Variants in TTL observed in about 807,000 individuals in gnomAD.
The protein encoded by TTL is tubulin tyrosine ligase, also known as tubulin--tyrosine ligase.
Under a neutral mutation model 41.1 loss-of-function variants are expected in TTL, and 10 were observed. That is an observed-to-expected ratio of 0.24 (90% confidence interval 0.15 to 0.41). The LOEUF is 0.41. Among genes scored for constraint, TTL ranks in the 10% least tolerant of loss-of-function variants. TTL has a pLI of 1.00. For missense variants in TTL, 367 were observed against 460.4 expected (o/e 0.80, Z 1.86); for synonymous variants, 175 against 175.5 (o/e 1.00, Z 0.02).
At chr2:112,494,463 C>A in intron 3 of TTL, 88 bp downstream of exon 3, 1 of 1,044,828 alleles carries the variant, frequency 9.6e-7, no homozygotes, top group Non-Finnish European at 1.4e-6. Context: ...TAATCTGAAT[C>A]ATCGAAGGTT....
At chr2:112,514,958 A>G (rs930334112) in intron 5 of TTL, among the ~76,000 whole-genome samples, 6 of 152,102 alleles carry the variant, frequency 3.9e-5, no homozygotes, top group Admixed American at 2.0e-4. Flanking sequence ...TTCTTTATCT[A>G]TTAAAACCTG....
At position 112,529,105 on chromosome 2, in the gene TTL, G is replaced by A. The variant is rs569039219; in HGVS notation, c.*310G>A. 8.4e-5 allele frequency: 37 copies of A among 443,076 alleles called. 1 individual carries two copies. The highest frequency in any genetic ancestry group is 6.3e-4 in the Middle Eastern group (1 of 1,580). The allele number at this position is 443,076 out of a possible 1,614,324, so 27.4% of individuals were successfully genotyped here. ...CGGCAGGGCACTGGGACCTCTGGTC[G>A]GTGCCTCCCACCCACTGCAGCCCTA... On this transcript the variant is annotated 3_prime_UTR_variant, in exon 7 of 7. Coordinates refer to ENST00000233336, the MANE Select transcript of TTL (RefSeq NM_153712.5).
chr2:112,483,095 A>ATT, intron 1 of TTL: 1 of 152,392 alleles, frequency 6.6e-6, no homozygotes, highest in South Asian at 2.1e-4. Context: ...GGGATGTCTG[A>ATT]TTATAAACCT....
chr2:112,527,795 G>A (rs1221236961), intron 6 of TTL, among the ~76,000 whole-genome samples: 1 of 152,108 alleles, frequency 6.6e-6, no homozygotes, highest in African/African-American at 2.4e-5. Flanking sequence ...TTTAATTGGA[G>A]CATTTAGCCC....
chr2:112,482,235 C>T lies in TTL; in HGVS notation c.-110C>T. 1.2e-6 allele frequency: 1 copy of T among 818,534 alleles called. No individual in the cohort carries two copies. Among genetic ancestry groups the T allele is most frequent in the Non-Finnish European group, 1.5e-6 (1 of 681,324 alleles). The allele number at this position is 818,534 out of a possible 1,614,324, so 50.7% of individuals were successfully genotyped here. A position where few individuals can be genotyped will look rare whatever the true frequency, so the allele number is the denominator to read the frequency against. On this transcript the variant is annotated 5_prime_UTR_variant, in exon 1 of 7. Coordinates refer to ENST00000233336, the MANE Select transcript of TTL (RefSeq NM_153712.5). The surrounding 1 kb of genome is among the most constrained non-coding windows in gnomAD (Gnocchi z 5.3). ...GAGGCGCGGTAGCCGGCGCGGGCGG[C>T]GGGGGCCGGGCCGCGGCGGGCGCCC...
chr2:112,509,861 T>C (rs555261959), intron 5 of TTL, among the ~76,000 whole-genome samples: 2 of 152,320 alleles, frequency 1.3e-5, no homozygotes, highest in East Asian at 3.9e-4. Context: ...CTTGAACTCT[T>C]GACTTCAGGT....
Position 112,501,915 on chromosome 2 carries a change from A to C in TTL, c.605+574A>C, listed in dbSNP as rs1681711674. ...TTCTATAAAAATGACTTGTGGATTC[A>C]AAGAAATGAATATAAATGTATGGTC... On this transcript the variant is annotated intron_variant, in intron 4 of 6. Transcript: ENST00000233336. Among the ~76,000 whole-genome samples the C allele has an allele frequency of 2.0e-5, 3 of 152,212 alleles. No individual in the cohort carries two copies. The South Asian group carries it at 6.2e-4, about 32-fold the overall frequency.
chr2:112,503,289 A>C, intron 5 of TTL, 108 bp downstream of exon 5: 1 of 919,210 alleles, frequency 1.1e-6, no homozygotes, highest in East Asian at 2.7e-5. Context: ...TATGGTCAAA[A>C]ATTTTTTGTA....
At position 112,535,765 on chromosome 2, in the gene TTL, C is replaced by A. The variant is rs1397523504; in HGVS notation, c.*6970C>A. ...ATTGATTTTTTTTAAAAATCATGAT[C>A]CAACTATATGCTATCTACAAAAAAC... On this transcript the variant is annotated 3_prime_UTR_variant, in exon 7 of 7. Coordinates refer to ENST00000233336, the MANE Select transcript of TTL (RefSeq NM_153712.5). 6.6e-6 allele frequency: 1 copy of A among 151,932 alleles called. No individual in the cohort carries two copies. The highest frequency in any genetic ancestry group is 2.4e-5 in the African/African-American group (1 of 41,362). The allele number at this position is 151,932 out of a possible 1,614,324, so 9.4% of individuals were successfully genotyped here. A position where few individuals can be genotyped will look rare whatever the true frequency, so the allele number is the denominator to read the frequency against.
intron 6 of TTL, 95 bp downstream of exon 6, chr2:112,520,520 G>A: frequency 3.3e-6 from 5 of 1,508,010 alleles, no homozygotes; most frequent in Non-Finnish European, 9.0e-7. Flanking sequence ...TGACTGCTGT[G>A]AGGGAGGATG....
At chr2:112,512,676 C>T (rs1421844583) in intron 5 of TTL, among the ~76,000 whole-genome samples, 2 of 152,158 alleles carry the variant, frequency 1.3e-5, no homozygotes, top group Non-Finnish European at 2.9e-5. Flanking sequence ...GGATTACAGG[C>T]GTGAGCCATC....
chr2:112,483,427 C>T (rs893576130), intron 1 of TTL: 3 of 152,276 alleles, frequency 2.0e-5, no homozygotes, highest in African/African-American at 4.8e-5. Context: ...ATCTTCTCTC[C>T]GGGGAGCCAT....
chr2:112,483,188 T>C (rs1047847631), intron 1 of TTL: 3 of 152,332 alleles, frequency 2.0e-5, no homozygotes, highest in African/African-American at 7.2e-5. Context: ...GCCCTCCCTG[T>C]CTTCCCTGCT....
At chr2:112,502,788 C>CT in intron 4 of TTL, 124 bp from the exon 5 acceptor site, 1 of 988,492 alleles carries the variant, frequency 1.0e-6, no homozygotes, top group Non-Finnish European at 1.5e-6. Flanking sequence ...AAACTTCCTC[C>CT]TTCCCTAGTT....
At position 112,503,111 on chromosome 2, in the gene TTL, C is replaced by A. The variant is rs1442701224; in HGVS notation, c.805C>A (p.Gln269Lys). Residue 269 changes from glutamine (Q) to lysine (K), a missense_variant, in exon 5 of 7, where the codon CAG becomes AAG. Gln to Lys is a moderately conservative substitution (Grantham distance 53). Transcript: ENST00000233336. ...GNEMFFKEFNQYLTSALNITL... is the reference protein window; with the variant it reads ...GNEMFFKEFNKYLTSALNITL... The stretch of plus-strand genomic sequence containing the variant: ...TGAAATGTTCTTCAAGGAGTTCAAT[C>A]AGTACCTAACAAGTGCTTTGAACAT... 2 of 1,613,240 alleles carry A rather than the reference C, an allele frequency of 1.2e-6. No individual in the cohort carries two copies. The highest frequency in any genetic ancestry group is 4.5e-5 in the East Asian group (2 of 44,866).
At chr2:112,514,005 C>T (rs1681999642) in intron 5 of TTL, among the ~76,000 whole-genome samples, 1 of 152,030 alleles carries the variant, frequency 6.6e-6, no homozygotes, top group African/African-American at 2.4e-5. Context: ...TTTAGAGTTC[C>T]CCACATTTTG....
At chr2:112,494,863 A>G (rs1681485028) in intron 3 of TTL, among the ~76,000 whole-genome samples, 1 of 152,084 alleles carries the variant, frequency 6.6e-6, no homozygotes, top group Admixed American at 6.6e-5. Context: ...CTTCCCCTCT[A>G]AATCAAAACC....
At chr2:112,500,413 A>G (rs948117938) in intron 3 of TTL, among the ~76,000 whole-genome samples, 2 of 152,154 alleles carry the variant, frequency 1.3e-5, no homozygotes, top group Non-Finnish European at 2.9e-5. Context: ...TGTACTAAAA[A>G]TACAAAAATT....
rs1411688664 is a variant in TTL, at chr2:112,533,269, T to C, written c.*4474T>C. The C allele has an allele frequency of 6.6e-6, 1 of 152,160 alleles. No homozygotes were observed. The highest frequency in any genetic ancestry group is 1.5e-5 in the Non-Finnish European group (1 of 68,364). The allele number at this position is 152,160 out of a possible 1,614,324, so 9.4% of individuals were successfully genotyped here. A position where few individuals can be genotyped will look rare whatever the true frequency, so the allele number is the denominator to read the frequency against. On this transcript the variant is annotated 3_prime_UTR_variant, in exon 7 of 7. Coordinates refer to ENST00000233336, the MANE Select transcript of TTL (RefSeq NM_153712.5). ...CCCAGTGGACTCAGCAGAGATTGCA[T>C]GGGCAGGGTGCAGGGTGCAGGGTGC... is the stretch of plus-strand genomic sequence containing the variant.
Sources: gnomAD v4.1 joint callset for allele counts (sites outside exome capture counted in the v4.1 genomes callset) on GRCh38, gnomAD v4.1.1 for gene constraint, Gnocchi (gnomAD v3.1) non-coding constraint, MANE v1.5 for transcripts, NCBI Gene and HGNC (gene_info 2026-07-23, HGNC 2026-07-21) for gene names.